The following LRRTM4 variants were observed in gnomAD, a reference collection of about 807,000 sequenced individuals.
LRRTM4 encodes leucine rich repeat transmembrane neuronal 4, also known as leucine-rich repeat transmembrane neuronal protein 4.
In LRRTM4, 25 loss-of-function variants were observed where a neutral mutation model predicts 47.6. The observed-to-expected ratio is 0.53, with a 90% CI of 0.38 to 0.73. The LOEUF (loss-of-function observed/expected upper bound fraction) is 0.73. Ranked by LOEUF, LRRTM4 falls within the 30% of genes least tolerant of loss-of-function variation. The pLI is 0.00. For synonymous variants in LRRTM4, 311 were observed against 269.5 expected, an observed-to-expected ratio of 1.15 and a Z score of -1.51; for missense variants, 638 against 713.4, an observed-to-expected ratio of 0.89 and a Z score of 1.20.
chr2:77,400,147 T>A (rs577847342), intron 3 of LRRTM4, among the ~76,000 whole-genome samples: 85 of 152,020 alleles, frequency 5.6e-4, no homozygotes, highest in African/African-American at 2.0e-3. Context: ...TATTTATATG[T>A]CTTTCTGTGC....
chr2:76,880,281 A>T (rs1207956088), intron 3 of LRRTM4, among the ~76,000 whole-genome samples: 1 of 152,170 alleles, frequency 6.6e-6, no homozygotes, highest in East Asian at 1.9e-4. Flanking sequence ...TATTTTTAAA[A>T]ATTGCCATAG....
At chr2:77,505,725 T>C (rs1296550327) in intron 3 of LRRTM4, among the ~76,000 whole-genome samples, 1 of 151,632 alleles carries the variant, frequency 6.6e-6, no homozygotes, top group East Asian at 1.9e-4. Flanking sequence ...TGCCTATAAA[T>C]ATGGACATAC....
At chr2:76,797,629 T>C (rs1158324474) in intron 3 of LRRTM4, among the ~76,000 whole-genome samples, 1 of 151,142 alleles carries the variant, frequency 6.6e-6, no homozygotes, top group South Asian at 2.1e-4. Context: ...TAACTTTAAA[T>C]GTAAATGGAC....
intron 3 of LRRTM4, among the ~76,000 whole-genome samples, chr2:77,175,366 G>T (rs914753291): frequency 1.6e-4 from 25 of 152,056 alleles, no homozygotes; most frequent in African/African-American, 6.0e-4. Flanking sequence ...CTGTGCTAAA[G>T]GGTGGAAGGC....
chr2:76,888,326 A>C (rs1673143561), intron 3 of LRRTM4, among the ~76,000 whole-genome samples: 1 of 151,444 alleles, frequency 6.6e-6, no homozygotes, highest in Non-Finnish European at 1.5e-5. Context: ...AAGTATATTT[A>C]TATTTTAATG....
intron 3 of LRRTM4, among the ~76,000 whole-genome samples, chr2:76,991,943 A>C (rs150601840): frequency 1.7e-4 from 26 of 152,030 alleles, no homozygotes; most frequent in African/African-American, 5.5e-4. Flanking sequence ...CACCACAATA[A>C]ACTAGGCTTT....
chr2:76,831,697 G>C (rs1003257721), intron 3 of LRRTM4, among the ~76,000 whole-genome samples: 3 of 152,124 alleles, frequency 2.0e-5, no homozygotes, highest in South Asian at 2.1e-4. Flanking sequence ...CAGTGAAAAT[G>C]TTGGTATCAG....
intron 3 of LRRTM4, among the ~76,000 whole-genome samples, chr2:77,023,510 T>C (rs1678346194): frequency 1.3e-5 from 2 of 152,344 alleles, no homozygotes; most frequent in African/African-American, 4.8e-5. Context: ...TCCCTTTTAA[T>C]ACTGAATGTT....
At chr2:77,119,848 C>T (rs1202848311) in intron 3 of LRRTM4, among the ~76,000 whole-genome samples, 2 of 151,768 alleles carry the variant, frequency 1.3e-5, no homozygotes, top group Non-Finnish European at 3.0e-5. Context: ...CTGACTGGAA[C>T]TGAAATGTGA....
intron 3 of LRRTM4, among the ~76,000 whole-genome samples, chr2:77,090,330 C>T (rs1438652310): frequency 1.3e-5 from 2 of 152,132 alleles, no homozygotes; most frequent in Admixed American, 6.5e-5. Flanking sequence ...GTTCATGACT[C>T]GTTTGACAGC....
chr2:76,806,428 A>C (rs1675970885), intron 3 of LRRTM4, among the ~76,000 whole-genome samples: 4 of 152,092 alleles, frequency 2.6e-5, no homozygotes, highest in Non-Finnish European at 5.9e-5. Flanking sequence ...CTAAAAATAC[A>C]AAATTAGCAG....
At chr2:77,420,918 C>T (rs982425736) in intron 3 of LRRTM4, among the ~76,000 whole-genome samples, 1 of 145,956 alleles carries the variant, frequency 6.9e-6, no homozygotes, top group Non-Finnish European at 1.5e-5. Flanking sequence ...ATGAGCACCT[C>T]AAACATCCAG....
chr2:76,755,245 A>T (rs1672986633), intron 3 of LRRTM4, among the ~76,000 whole-genome samples: 1 of 152,198 alleles, frequency 6.6e-6, no homozygotes. Context: ...AGTTCTGGTC[A>T]TGGGGAGGAA....
chr2:76,773,727 T>C (rs183650491), intron 3 of LRRTM4, among the ~76,000 whole-genome samples: 4 of 151,380 alleles, frequency 2.6e-5, no homozygotes, highest in African/African-American at 9.7e-5. Flanking sequence ...ATAAAATATA[T>C]AAAATCAAAA....
At chr2:77,146,871 T>C (rs1654939353) in intron 3 of LRRTM4, among the ~76,000 whole-genome samples, 3 of 152,142 alleles carry the variant, frequency 2.0e-5, no homozygotes, top group South Asian at 2.1e-4. Context: ...TCTTCTTTCT[T>C]ATCAAAAATT....
chr2:77,465,952 T>C (rs1338178022), intron 3 of LRRTM4, among the ~76,000 whole-genome samples: 1 of 149,770 alleles, frequency 6.7e-6, no homozygotes, highest in Non-Finnish European at 1.5e-5. Flanking sequence ...AAATGCAATA[T>C]GGACTGTTTT....
chr2:77,500,585 T>C (rs1174272829), intron 3 of LRRTM4, among the ~76,000 whole-genome samples: 1 of 151,646 alleles, frequency 6.6e-6, no homozygotes, highest in African/African-American at 2.4e-5. Context: ...TTGCATAACA[T>C]TGTAGTATTC....
intron 3 of LRRTM4, among the ~76,000 whole-genome samples, chr2:76,769,691 G>A (rs142124800): frequency 2.0e-3 from 309 of 151,982 alleles, no homozygotes; most frequent in African/African-American, 7.2e-3. Context: ...TACTGAATTC[G>A]TATCGGCATT....
At chr2:77,404,276 G>T (rs2103843001) in intron 3 of LRRTM4, among the ~76,000 whole-genome samples, 1 of 151,990 alleles carries the variant, frequency 6.6e-6, no homozygotes, top group African/African-American at 2.4e-5. Flanking sequence ...TATTGTAATT[G>T]TATCCTAGGG....
Sources: allele counts gnomAD v4.1 joint callset (sites outside exome capture counted in the v4.1 genomes callset), GRCh38; gene constraint gnomAD v4.1.1; transcripts MANE v1.5; gene names NCBI Gene and HGNC (gene_info 2026-07-23, HGNC 2026-07-21).